PCCB: variants seen among roughly 807,000 people sequenced by gnomAD.
The protein encoded by PCCB is propionyl-CoA carboxylase subunit beta, also known as propionyl-CoA carboxylase beta chain, mitochondrial.
A neutral mutation model predicts 60.7 loss-of-function variants in PCCB; 43 were observed. That is an observed-to-expected ratio of 0.71 (90% confidence interval 0.55 to 0.91). PCCB has a LOEUF of 0.91. Among genes scored for constraint, PCCB ranks in the 40% least tolerant of loss-of-function variants. PCCB has a pLI of 0.00. For missense variants in PCCB, 766 were observed against 702.8 expected (o/e 1.09, Z -1.02); for synonymous variants, 276 against 255.9 (o/e 1.08, Z -0.75).
chr3:136,323,504 C>G (rs1935180874), intron 10 of PCCB, among the ~76,000 whole-genome samples: 1 of 152,100 alleles, frequency 6.6e-6, no homozygotes, highest in Non-Finnish European at 1.5e-5. Context: ...CTAGTTTAGG[C>G]TGGGCATGGT....
At chr3:136,300,241 C>T (rs542210720) in intron 8 of PCCB, among the ~76,000 whole-genome samples, 247 of 152,244 alleles carry the variant, frequency 1.6e-3, no homozygotes, top group African/African-American at 5.6e-3. Context: ...CCTTAGTTTT[C>T]TTTCCAGCGT....
At position 136,326,852 on chromosome 3, in the gene PCCB, C is replaced by CTG. The variant is rs1307858265; in HGVS notation, c.1143_1144dup (p.Asp382ValfsTer62). 1.2e-6 allele frequency: 2 copies of CTG among 1,613,480 alleles called. No homozygotes were observed. The highest frequency in any genetic ancestry group is 2.7e-5 in the African/African-American group (2 of 75,020). The stretch of plus-strand genomic sequence containing the variant: ...TGAAAGGGGCTCGTTTTGTCAGATT[C>CTG]TGTGATGCATTCAATATTCCACTCA... On this transcript the variant is annotated frameshift_variant, in exon 11 of 15. Transcript: ENST00000251654. LOFTEE classifies it high-confidence loss of function.
At chr3:136,257,943 A>G (rs868041623) in intron 3 of PCCB, among the ~76,000 whole-genome samples, 60 of 152,358 alleles carry the variant, frequency 3.9e-4, no homozygotes, top group African/African-American at 1.4e-3. Flanking sequence ...AAACAAAAAA[A>G]TAATAAAATA....
chr3:136,328,929 G>A (rs1177023270), intron 14 of PCCB, 72 bp downstream of exon 14: 5 of 1,240,302 alleles, frequency 4.0e-6, no homozygotes, highest in Non-Finnish European at 5.9e-6. Context: ...TACAGAAATT[G>A]TCACATAACT....
chr3:136,287,967 A>G (rs1257208370), intron 6 of PCCB, among the ~76,000 whole-genome samples: 1 of 152,168 alleles, frequency 6.6e-6, no homozygotes, highest in East Asian at 1.9e-4. Context: ...TGTTTACTAA[A>G]CAGGTTGCAG....
chr3:136,256,073 C>T (rs976462925), intron 2 of PCCB, 98 bp downstream of exon 2: 13 of 1,548,960 alleles, frequency 8.4e-6, no homozygotes, highest in South Asian at 1.1e-5. Context: ...TATCTGAAGT[C>T]CTCTGCAGAG....
At chr3:136,296,866 C>T (rs1157928243) in intron 7 of PCCB, among the ~76,000 whole-genome samples, 1 of 152,060 alleles carries the variant, frequency 6.6e-6, no homozygotes, top group East Asian at 1.9e-4. Flanking sequence ...TCATCGAGTA[C>T]CTATGTGTGA....
intron 7 of PCCB, among the ~76,000 whole-genome samples, chr3:136,295,139 C>A (rs1260202872): frequency 2.0e-5 from 3 of 152,180 alleles, no homozygotes; most frequent in Non-Finnish European, 4.4e-5. Context: ...GGATTACCTA[C>A]CACACAGCAA....
intron 1 of PCCB, among the ~76,000 whole-genome samples, chr3:136,253,685 T>C (rs890917495): frequency 6.7e-5 from 10 of 149,104 alleles, no homozygotes; most frequent in Admixed American, 2.0e-4. Context: ...TTTTTTTTTT[T>C]CTTGAGACAG....
At chr3:136,299,578 A>G (rs1175276322) in intron 8 of PCCB, among the ~76,000 whole-genome samples, 1 of 101,032 alleles carries the variant, frequency 9.9e-6, no homozygotes, top group African/African-American at 5.1e-5. Context: ...ATGCATGTGT[A>G]TGTATAGGTA....
chr3:136,281,416 C>T lies in PCCB; in HGVS notation c.544-2421C>T, dbSNP rs552084759. On this transcript the variant is annotated intron_variant, in intron 5 of 14. Transcript: ENST00000251654. ...TGTTGAACCCCTGAAATGAATTTTT[C>T]ATTTCAGTTATTGTCAACTCCAGGC... Among the ~76,000 whole-genome samples, 8 of 151,462 alleles carry T rather than the reference C, an allele frequency of 5.3e-5. No homozygotes were observed. The South Asian group carries it at 1.3e-3, about 24-fold the overall frequency.
chr3:136,273,597 C>CTTTTTTTTTTTTTTTTTTTTTTTCT, intron 5 of PCCB, among the ~76,000 whole-genome samples: 1 of 45,222 alleles, frequency 2.2e-5, no homozygotes, highest in East Asian at 5.9e-4. Flanking sequence ...TTTCTTTTTT[C>CTTTTTTTTTTTTTTTTTTTTTTTCT]TTTTTTTTTT....
chr3:136,274,575 T>G (rs1032329869), intron 5 of PCCB, among the ~76,000 whole-genome samples: 8 of 152,326 alleles, frequency 5.3e-5, no homozygotes, highest in African/African-American at 1.7e-4. Flanking sequence ...ATGTTGACTT[T>G]AGATAGCCCG....
intron 3 of PCCB, chr3:136,259,088 C>T (rs906688229): frequency 3.1e-6 from 4 of 1,298,432 alleles, no homozygotes; most frequent in East Asian, 3.0e-5. Flanking sequence ...ACAATAAGCC[C>T]TTTACATCTG....
At chr3:136,252,517 G>GA (rs1327287780) in intron 1 of PCCB, 88 of 332,908 alleles carry the variant, frequency 2.6e-4, no homozygotes, top group South Asian at 1.9e-3. Flanking sequence ...AAAGTGCTGG[G>GA]ATGACAGAAT....
chr3:136,280,351 CTTT>C (rs1343657949), intron 5 of PCCB, among the ~76,000 whole-genome samples: 1 of 152,012 alleles, frequency 6.6e-6, no homozygotes. Context: ...TTCAATACTT[CTTT>C]TTTTCTTTTT....
At chr3:136,254,548 T>TA (rs1333563481) in intron 1 of PCCB, among the ~76,000 whole-genome samples, 3 of 130,350 alleles carry the variant, frequency 2.3e-5, no homozygotes, top group African/African-American at 3.2e-5. Flanking sequence ...TTTTTTTTTT[T>TA]AAAAGACAGG....
Position 136,291,894 on chromosome 3 carries a change from C to T in PCCB, c.655-1862C>T, listed in dbSNP as rs1000501430. On this transcript the variant is annotated intron_variant, in intron 6 of 14. Transcript: ENST00000251654. ...TAAAACTCACAAAAGTGTGGGAGCC[C>T]CCAATGATTGGCCGGCCCTGGAGTC... Among the ~76,000 whole-genome samples the T allele has an allele frequency of 4.6e-5, 7 of 152,268 alleles. No individual in the cohort carries two copies. In the South Asian group the frequency reaches 1.4e-3, roughly 32 times the overall value.
chr3:136,251,298 C>T (rs1447067239), intron 1 of PCCB: 4 of 456,506 alleles, frequency 8.8e-6, no homozygotes, highest in Non-Finnish European at 1.8e-5. Flanking sequence ...GAGAGGTGAT[C>T]CCTGACTTGA....
Sources: allele counts gnomAD v4.1 joint callset (sites outside exome capture counted in the v4.1 genomes callset), GRCh38; gene constraint gnomAD v4.1.1; transcripts MANE v1.5; gene names NCBI Gene and HGNC (gene_info 2026-07-23, HGNC 2026-07-21).